The following FAH variants were observed in gnomAD, a reference collection of about 807,000 sequenced individuals.
The protein encoded by FAH is fumarylacetoacetate hydrolase.
FAH carries 47 observed loss-of-function variants against 55.8 expected under a neutral mutation model. The ratio of observed to expected loss-of-function variants is 0.84; its 90% confidence interval spans 0.67 to 1.07. The LOEUF is 1.07. Among genes scored for constraint, FAH ranks in the 50% least tolerant of loss-of-function variants. FAH has a pLI of 0.00. For missense variants in FAH, 495 were observed against 545.9 expected (o/e 0.91, Z 0.93); for synonymous variants, 199 against 207.7 (o/e 0.96, Z 0.36).
chr15:80,153,800 C>A (rs2041075837), intron 1 of FAH, among the ~76,000 whole-genome samples: 1 of 152,138 alleles, frequency 6.6e-6, no homozygotes, highest in African/African-American at 2.4e-5. Flanking sequence ...GGTTTATCAG[C>A]AAATAGATAA....
intron 5 of FAH, chr15:80,166,985 G>T (rs371131293): frequency 5.9e-5 from 9 of 151,962 alleles, no homozygotes; most frequent in African/African-American, 2.2e-4. Flanking sequence ...TTTCCTTATG[G>T]CATTTACTTT....
intron 5 of FAH, chr15:80,162,597 A>G (rs1472820654): frequency 2.1e-5 from 11 of 535,178 alleles, no homozygotes; most frequent in Admixed American, 1.2e-4. Context: ...CTTAATCCCT[A>G]TGCTCCTTCT....
At chr15:80,157,615 A>G (rs536644696) in intron 1 of FAH, 38 of 274,570 alleles carry the variant, frequency 1.4e-4, no homozygotes, top group Non-Finnish European at 9.3e-5. Context: ...GGCCCTCAGC[A>G]CTGTGTGTTG....
downstream of FAH, chr15:80,186,937 G>T (rs919374347): frequency 1.3e-5 from 2 of 156,708 alleles, no homozygotes; most frequent in African/African-American, 4.8e-5. Flanking sequence ...ACAGAAAACT[G>T]CCCATCACAG....
chr15:80,176,649 C>G (rs1244201844), intron 10 of FAH, among the ~76,000 whole-genome samples: 1 of 152,208 alleles, frequency 6.6e-6, no homozygotes, highest in African/African-American at 2.4e-5. Context: ...AAGTGTGTCA[C>G]AAGTTCTAGG....
intron 7 of FAH, among the ~76,000 whole-genome samples, chr15:80,170,027 C>A (rs1226926573): frequency 2.6e-5 from 4 of 152,208 alleles, no homozygotes; most frequent in Admixed American, 2.0e-4. Context: ...ACCTGAGGAT[C>A]CCTCATGCTG....
chr15:80,167,984 G>A lies in FAH; in HGVS notation c.456-68G>A, dbSNP rs2041207726. ...CGACTCTTTGTTTCTAGTTTTTGAAGTTTTTAAAGTTAATTGACAACATAT... is the reference window on the plus strand; with the variant it reads ...CGACTCTTTGTTTCTAGTTTTTGAAATTTTTAAAGTTAATTGACAACATAT... On this transcript the variant is annotated intron_variant, in intron 5 of 13. Transcript: ENST00000561421. 35 of 1,336,858 alleles carry A rather than the reference G, an allele frequency of 2.6e-5. No homozygotes were observed. The Middle Eastern group carries it at 9.4e-4, about 36-fold the overall frequency. 82.8% of individuals were successfully genotyped at this position (1,336,858 alleles called of 1,614,324 possible).
chr15:80,162,037 T>A (rs1283069835), intron 4 of FAH, among the ~76,000 whole-genome samples: 1 of 152,230 alleles, frequency 6.6e-6, no homozygotes, highest in East Asian at 1.9e-4. Flanking sequence ...TCCTGATTTC[T>A]TATTTGTTTC....
intron 9 of FAH, chr15:80,173,558 C>A: frequency 8.6e-6 from 3 of 350,026 alleles, no homozygotes. Context: ...AACAGGGAGT[C>A]CCTGCAGCCT....
intron 13 of FAH, 81 bp downstream of exon 13, chr15:80,181,240 C>T (rs962580063): frequency 4.0e-5 from 38 of 946,014 alleles, no homozygotes; most frequent in Non-Finnish European, 6.0e-5. Flanking sequence ...TCCTACCTGG[C>T]CATGAAGCCA....
intron 11 of FAH, 72 bp from the exon 12 acceptor site, chr15:80,180,052 G>A: frequency 8.4e-7 from 1 of 1,189,406 alleles, no homozygotes; most frequent in Non-Finnish European, 1.2e-6. Flanking sequence ...AGGGCAGGCT[G>A]TGCCCAGCTG....
chr15:80,159,830 G>A lies in FAH; in HGVS notation c.267G>A (p.Leu89=). 6.2e-7 allele frequency: 1 copy of A among 1,614,198 alleles called. No individual in the cohort carries two copies. Among genetic ancestry groups the A allele is most frequent in the Non-Finnish European group, 8.5e-7 (1 of 1,180,020 alleles). ...CGAGAGTGTTCTTGCAGAACTTGCT[G>A]TCTGTGAGCCAAGCCAGGCTCAGAG... ...KEARVFLQNL[L]SVSQARLRDD... is the part of the protein sequence containing the mutation. Residue 89 remains leucine (L), a synonymous_variant, in exon 3 of 14, where the codon CTG becomes CTA. Transcript: ENST00000561421.
chr15:80,159,086 A>G (rs563827805), intron 2 of FAH, among the ~76,000 whole-genome samples: 2 of 151,982 alleles, frequency 1.3e-5, no homozygotes, highest in Admixed American at 1.3e-4. Flanking sequence ...AAAAATACAA[A>G]AATTAGCTGG....
intron 1 of FAH, among the ~76,000 whole-genome samples, chr15:80,155,123 C>T (rs2041087323): frequency 6.6e-6 from 1 of 152,174 alleles, no homozygotes; most frequent in Admixed American, 6.5e-5. Flanking sequence ...CTTTGGGACT[C>T]AGCTTAAATG....
chr15:80,158,221 G>A (rs752559989), intron 2 of FAH, 51 bp downstream of exon 2: 1 of 1,239,322 alleles, frequency 8.1e-7, no homozygotes, highest in African/African-American at 1.5e-5. Context: ...ACTTACTGTG[G>A]ATGCCAACAA....
At chr15:80,159,661 C>A in intron 2 of FAH, 95 bp from the exon 3 acceptor site, 1 of 1,457,082 alleles carries the variant, frequency 6.9e-7, no homozygotes, top group Non-Finnish European at 9.6e-7. Context: ...AGAGAAGTGG[C>A]AAGGGCTGGC....
chr15:80,164,837 C>T (rs780344924), intron 5 of FAH, among the ~76,000 whole-genome samples: 1 of 152,210 alleles, frequency 6.6e-6, no homozygotes, highest in Non-Finnish European at 1.5e-5. Flanking sequence ...CTACTTTGAA[C>T]AAGTTGGATG....
chr15:80,158,280 G>T (rs1005638172), intron 2 of FAH, 110 bp downstream of exon 2: 8 of 847,968 alleles, frequency 9.4e-6, no homozygotes, highest in Middle Eastern at 4.4e-4. Flanking sequence ...GCCATCGAAG[G>T]TCTCAGAGGT....
At position 80,181,232 on chromosome 15, in the gene FAH, C is replaced by T. The variant is rs2041328969; in HGVS notation, c.1180+73C>T. ...GCACTGTTCTAGCTGCGGGGCGCTC[C>T]TACCTGGCCATGAAGCCATCTGTTC... On this transcript the variant is annotated intron_variant, in intron 13 of 13. Coordinates refer to ENST00000561421, the MANE Select transcript of FAH (RefSeq NM_000137.4). 10 of 1,061,732 alleles carry T rather than the reference C, an allele frequency of 9.4e-6. No homozygotes were observed. The Admixed American group carries it at 1.7e-4, about 18-fold the overall frequency. The allele number at this position is 1,061,732 out of a possible 1,614,324, so 65.8% of individuals were successfully genotyped here.
Sources: gnomAD v4.1 joint callset for allele counts (sites outside exome capture counted in the v4.1 genomes callset) on GRCh38, gnomAD v4.1.1 for gene constraint, MANE v1.5 for transcripts, NCBI Gene and HGNC (gene_info 2026-07-23, HGNC 2026-07-21) for gene names.